CNTLN: variants seen among roughly 807,000 people sequenced by gnomAD.
CNTLN encodes centlein, centrosomal protein.
A neutral mutation model predicts 180.0 loss-of-function variants in CNTLN; 212 were observed. The ratio of observed to expected loss-of-function variants is 1.18; its 90% CI spans 1.05 to 1.32. CNTLN has a LOEUF of 1.32. Among genes scored for constraint, CNTLN ranks in the 40% most tolerant of loss-of-function variants. The probability of loss-of-function intolerance (pLI) is 0.00; values close to 1 mark genes in which losing one functional copy is unlikely to be tolerated. For synonymous variants in CNTLN, 722 were observed against 563.1 expected, an observed-to-expected ratio of 1.28 and a Z score of -3.99; for missense variants, 2,095 against 1,610.9, an observed-to-expected ratio of 1.30 and a Z score of -5.14.
intron 2 of CNTLN, among the ~76,000 whole-genome samples, chr9:17,188,520 A>G (rs1170404143): frequency 6.6e-6 from 1 of 152,178 alleles, no homozygotes; most frequent in African/African-American, 2.4e-5. Context: ...AATATTGTTT[A>G]GGCAATATTG....
intron 13 of CNTLN, among the ~76,000 whole-genome samples, chr9:17,370,679 G>A (rs1180587859): frequency 6.6e-6 from 1 of 152,064 alleles, no homozygotes; most frequent in Non-Finnish European, 1.5e-5. Flanking sequence ...CGTAACAGTG[G>A]TATACAAACT....
intron 8 of CNTLN, among the ~76,000 whole-genome samples, chr9:17,327,901 C>G (rs993077689): frequency 6.6e-6 from 1 of 151,574 alleles, no homozygotes; most frequent in Non-Finnish European, 1.5e-5. Context: ...TGCAGTGAGC[C>G]GAGATTGCAC....
intron 3 of CNTLN, among the ~76,000 whole-genome samples, chr9:17,227,305 A>G (rs1365848811): frequency 2.0e-5 from 3 of 151,960 alleles, no homozygotes; most frequent in Admixed American, 6.6e-5. Context: ...AAATTATACA[A>G]TTACATATAA....
chr9:17,477,725 G>A (rs770651086), intron 23 of CNTLN, among the ~76,000 whole-genome samples: 3 of 152,234 alleles, frequency 2.0e-5, no homozygotes, highest in East Asian at 1.9e-4. Context: ...TCTTAGGGAC[G>A]AGTAGAGAAA....
At chr9:17,175,540 A>G (rs1174312128) in intron 2 of CNTLN, among the ~76,000 whole-genome samples, 1 of 152,184 alleles carries the variant, frequency 6.6e-6, no homozygotes, top group African/African-American at 2.4e-5. Flanking sequence ...CATCTTGATT[A>G]CTATAGCTAT....
chr9:17,363,325 T>A (rs902744189), intron 12 of CNTLN, among the ~76,000 whole-genome samples: 1 of 152,164 alleles, frequency 6.6e-6, no homozygotes, highest in Admixed American at 6.5e-5. Flanking sequence ...TTGAACTAAT[T>A]TACATTTCCA....
At chr9:17,423,816 A>G (rs913155094) in intron 18 of CNTLN, among the ~76,000 whole-genome samples, 1 of 152,126 alleles carries the variant, frequency 6.6e-6, no homozygotes, top group Non-Finnish European at 1.5e-5. Context: ...CCGCTGTGAC[A>G]GGACTTTGCT....
intron 5 of CNTLN, among the ~76,000 whole-genome samples, chr9:17,249,403 C>A (rs1429690191): frequency 7.2e-6 from 1 of 139,324 alleles, no homozygotes; most frequent in Admixed American, 7.8e-5. Flanking sequence ...GGCTGGAGTG[C>A]AGTGGTGCAA....
At chr9:17,439,414 A>T (rs1340785383) in intron 18 of CNTLN, among the ~76,000 whole-genome samples, 1 of 152,196 alleles carries the variant, frequency 6.6e-6, no homozygotes, top group Non-Finnish European at 1.5e-5. Context: ...TTAACTTAAA[A>T]ATATCTGATG....
intron 5 of CNTLN, among the ~76,000 whole-genome samples, chr9:17,247,014 C>G (rs1400810110): frequency 6.6e-6 from 1 of 152,120 alleles, no homozygotes; most frequent in Non-Finnish European, 1.5e-5. Context: ...AGTTGCAAGA[C>G]TAAGTCCTCT....
chr9:17,447,251 C>T (rs2134086708), intron 18 of CNTLN: 1 of 212,958 alleles, frequency 4.7e-6, no homozygotes, highest in South Asian at 8.8e-5. Flanking sequence ...AGCCATGTTG[C>T]CAAGCCTAAA....
intron 12 of CNTLN, among the ~76,000 whole-genome samples, chr9:17,359,903 A>T (rs551272926): frequency 1.5e-4 from 23 of 151,608 alleles, no homozygotes; most frequent in Non-Finnish European, 2.8e-4. Flanking sequence ...GTCTCAAAAA[A>T]AAAAATAATA....
the CNTLN span, among the ~76,000 whole-genome samples, chr9:17,522,267 C>T: frequency 3.3e-5 from 5 of 152,018 alleles, no homozygotes; most frequent in South Asian, 2.1e-4. Flanking sequence ...AATTTAGGTG[C>T]GTAATGGGAT....
intron 5 of CNTLN, among the ~76,000 whole-genome samples, chr9:17,261,413 G>T (rs1016715085): frequency 1.3e-5 from 2 of 151,226 alleles, no homozygotes; most frequent in African/African-American, 4.9e-5. Context: ...GTACTCCTGG[G>T]TATTTTGTTA....
rs546046447 is a variant in CNTLN at position 17,347,113 on chromosome 9, A to T, written c.1886+4669A>T. On this transcript the variant is annotated intron_variant, in intron 12 of 25. Coordinates refer to ENST00000380647, the MANE Select transcript of CNTLN (RefSeq NM_017738.4). ...TTTGCTTAGAGTTTCTATTTAATTT[A>T]TTTTAAGAGTGTTCTTTAGTGGTTC... 7.6e-4 allele frequency among the ~76,000 whole-genome samples: 115 copies of T among 152,126 alleles called. 2 individuals are homozygous for T. The highest frequency in any genetic ancestry group is 3.7e-3 in the East Asian group (19 of 5,168).
rs1356136902 is a variant in CNTLN at position 17,135,123 on chromosome 9, C to A, written c.58C>A (p.Pro20Thr). 3 of 1,606,690 alleles carry A rather than the reference C, an allele frequency of 1.9e-6. No individual in the cohort carries two copies. Among genetic ancestry groups the A allele is most frequent in the Middle Eastern group, 1.7e-4 (1 of 5,846 alleles). Residue 20 changes from proline to threonine, a missense_variant, in exon 1 of 26, where the codon CCC becomes ACC. Coordinates refer to ENST00000380647, the MANE Select transcript of CNTLN (RefSeq NM_017738.4). ...HPSPPARQLG[P>T]RSPRVGRGAE... ...TTCGCCCCCAGCGCGACAGCTGGGC[C>A]CCAGGTCCCCACGTGTTGGGCGGGG...
intron 5 of CNTLN, among the ~76,000 whole-genome samples, chr9:17,271,588 G>C (rs1827949697): frequency 1.3e-5 from 2 of 152,074 alleles, no homozygotes; most frequent in Non-Finnish European, 2.9e-5. Flanking sequence ...CTGACATTTG[G>C]ATTTCTGTTT....
In CNTLN at chr9:17,394,803, A is replaced by T. The variant is rs1483474983; in HGVS notation, c.2349A>T (p.Ala783=). The part of the protein sequence containing the change: ...SLRRQVAEAN[A]LRNENEELIN... ...GGAGACAAGTGGCAGAAGCTAATGC[A>T]TTGAGAAATGAAAATGAAGAGCTGA... The change falls in exon 15 of 26, where the codon GCA becomes GCT. Residue 783 remains alanine, a synonymous_variant. Coordinates refer to ENST00000380647, the MANE Select transcript of CNTLN (RefSeq NM_017738.4). The T allele has an allele frequency of 1.2e-6, 2 of 1,614,066 alleles. No homozygotes were observed. Among genetic ancestry groups the T allele is most frequent in the African/African-American group, 1.3e-5 (1 of 75,036 alleles).
chr9:17,319,616 G>T (rs779287931), intron 8 of CNTLN, among the ~76,000 whole-genome samples: 1 of 152,044 alleles, frequency 6.6e-6, no homozygotes, highest in Non-Finnish European at 1.5e-5. Flanking sequence ...GTGACCTTGG[G>T]CAAGTTACTT....
Sources: gnomAD v4.1 joint callset for allele counts (sites outside exome capture counted in the v4.1 genomes callset) on GRCh38, gnomAD v4.1.1 for gene constraint, MANE v1.5 for transcripts, NCBI Gene and HGNC (gene_info 2026-07-23, HGNC 2026-07-21) for gene names.